The following BCL11B variants were observed in gnomAD, a reference collection of about 807,000 sequenced individuals.
The protein encoded by BCL11B is B-cell lymphoma/leukemia 11B.
In BCL11B, 8 loss-of-function variants were observed where a neutral mutation model predicts 49.9. That is an observed-to-expected ratio of 0.16 (90% CI 0.09 to 0.29). BCL11B has a LOEUF of 0.29. BCL11B is among the 10% of genes least tolerant of loss of function. BCL11B has a pLI of 1.00. For synonymous variants in BCL11B, 739 were observed against 637.4 expected, an observed-to-expected ratio of 1.16 and a Z score of -2.40; for missense variants, 1,006 against 1,351.0, an observed-to-expected ratio of 0.74 and a Z score of 4.00.
chr14:99,219,459 A>C (rs1338254157), intron 3 of BCL11B, among the ~76,000 whole-genome samples: 1 of 152,164 alleles, frequency 6.6e-6, no homozygotes, highest in Non-Finnish European at 1.5e-5. Flanking sequence ...CGCAATTACC[A>C]TCCCGATATA....
rs1187414703 is a variant in BCL11B, at chr14:99,174,162, C to T, written c.2674G>A (p.Glu892Lys). 2.5e-6 allele frequency: 4 copies of T among 1,612,424 alleles called. No homozygotes were observed. Among genetic ancestry groups the T allele is most frequent in the Non-Finnish European group, 2.5e-6 (3 of 1,179,954 alleles). Residue 892 changes from glutamate (E) to lysine (K), a missense_variant, in exon 4 of 4, where the codon GAG (glutamate) becomes AAG (lysine). Physicochemically the swap from Glu to Lys is moderately conservative, Grantham distance 56. Coordinates refer to ENST00000357195, the MANE Select transcript of BCL11B (RefSeq NM_138576.4). ...CGGGGCCCGCGCGCTTAGCTCCTCT[C>T]GGCCTGCTCGATTTTGACGTCGTTA... ...LTNDVKIEQA[E>K]RS
chr14:99,220,015 G>C (rs556396178), intron 3 of BCL11B, among the ~76,000 whole-genome samples: 1 of 152,076 alleles, frequency 6.6e-6, no homozygotes, highest in Non-Finnish European at 1.5e-5. Context: ...ACCTAACTTG[G>C]ACCAGTTGTT....
At chr14:99,234,248 G>A (rs966349302) in intron 2 of BCL11B, among the ~76,000 whole-genome samples, 7 of 152,084 alleles carry the variant, frequency 4.6e-5, no homozygotes, top group Admixed American at 2.0e-4. Flanking sequence ...ACGGCTGCAC[G>A]ACATTGTGAA....
At chr14:99,254,824 A>G (rs2139946921) in intron 2 of BCL11B, among the ~76,000 whole-genome samples, 1 of 152,362 alleles carries the variant, frequency 6.6e-6, no homozygotes, top group East Asian at 1.9e-4. Flanking sequence ...CTCTTAAAAT[A>G]TAAAGACTCA....
chr14:99,199,943 T>C (rs897562773), intron 3 of BCL11B, among the ~76,000 whole-genome samples: 3 of 151,832 alleles, frequency 2.0e-5, no homozygotes, highest in Admixed American at 6.6e-5. Flanking sequence ...AGACAGAGTG[T>C]CTTAATAATA....
At position 99,262,655 on chromosome 14, in the gene BCL11B, G is replaced by A. The variant is rs1889369904; in HGVS notation, c.59-4816C>T. Among the ~76,000 whole-genome samples the A allele has an allele frequency of 6.6e-6, 1 of 152,106 alleles. No homozygotes were observed. Among genetic ancestry groups the A allele is most frequent in the Admixed American group, 6.5e-5 (1 of 15,286 alleles). On this transcript the variant is annotated intron_variant, in intron 1 of 3. Coordinates refer to ENST00000357195, the MANE Select transcript of BCL11B (RefSeq NM_138576.4). The surrounding 1 kb of genome is among the most constrained non-coding windows in gnomAD (Gnocchi z 4.2). ...TTTACACCTGCTTCCTACGAAGAGG[G>A]AGCTCTTGCCAGCGAGCCCATGCTT...
chr14:99,178,388 C>T (rs1886601082), intron 3 of BCL11B, among the ~76,000 whole-genome samples: 1 of 152,212 alleles, frequency 6.6e-6, no homozygotes, highest in African/African-American at 2.4e-5. Flanking sequence ...TCAGTTCTCC[C>T]ATGAAAGAGC....
chr14:99,234,284 C>T (rs1888425818), intron 2 of BCL11B, among the ~76,000 whole-genome samples: 1 of 152,136 alleles, frequency 6.6e-6, no homozygotes, highest in African/African-American at 2.4e-5. Context: ...TGATTGTACA[C>T]TTTAAAATGG....
intron 1 of BCL11B, among the ~76,000 whole-genome samples, chr14:99,266,423 GA>G (rs1889484948): frequency 6.6e-6 from 1 of 152,014 alleles, no homozygotes; most frequent in Non-Finnish European, 1.5e-5. Flanking sequence ...GACCACGGAC[GA>G]ATCAGGGAAA....
intron 2 of BCL11B, among the ~76,000 whole-genome samples, chr14:99,240,817 A>G (rs1475036593): frequency 6.6e-6 from 1 of 152,258 alleles, no homozygotes; most frequent in African/African-American, 2.4e-5. Flanking sequence ...AACGCTAGGA[A>G]TATTGCTCCT....
Position 99,181,933 on chromosome 14 carries a change from G to A in BCL11B, c.641-5738C>T, listed in dbSNP as rs138893729. Among the ~76,000 whole-genome samples, 8 of 152,288 alleles carry A rather than the reference G, an allele frequency of 5.3e-5. No homozygotes were observed. The East Asian group carries it at 5.8e-4, about 11-fold the overall frequency. On this transcript the variant is annotated intron_variant, in intron 3 of 3. Transcript: ENST00000357195. ...CCGTCTCCACAGTTCCAAAATGATC[G>A]TAATTATCAGTGTTATCCCTCAGAT... is the stretch of plus-strand genomic sequence containing the variant.
At chr14:99,244,300 C>T (rs974118869) in intron 2 of BCL11B, among the ~76,000 whole-genome samples, 2 of 151,540 alleles carry the variant, frequency 1.3e-5, no homozygotes, top group East Asian at 1.9e-4. Context: ...TTACCCCCCC[C>T]TCACACACAC....
At chr14:99,236,016 T>G (rs1343590650) in intron 2 of BCL11B, among the ~76,000 whole-genome samples, 1 of 152,090 alleles carries the variant, frequency 6.6e-6, no homozygotes, top group Non-Finnish European at 1.5e-5. Flanking sequence ...GAATCCAGTC[T>G]GAGGAGGGGG....
chr14:99,203,380 G>C (rs1417885234), intron 3 of BCL11B, among the ~76,000 whole-genome samples: 1 of 152,196 alleles, frequency 6.6e-6, no homozygotes, highest in Non-Finnish European at 1.5e-5. Context: ...CTAGTGGCAG[G>C]ATGCTGACAT....
chr14:99,227,074 C>T (rs1037784968), intron 3 of BCL11B, among the ~76,000 whole-genome samples: 1 of 152,212 alleles, frequency 6.6e-6, no homozygotes, highest in African/African-American at 2.4e-5. Context: ...ATCACTGTGG[C>T]TGATGACCAT....
At chr14:99,223,766 GT>G (rs1888080903) in intron 3 of BCL11B, among the ~76,000 whole-genome samples, 1 of 152,164 alleles carries the variant, frequency 6.6e-6, no homozygotes, top group Admixed American at 6.5e-5. Flanking sequence ...CTTCATTCAG[GT>G]AAAAATCCTC....
Position 99,205,519 on chromosome 14 carries a change from G to C in BCL11B, c.640+25826C>G, listed in dbSNP as rs1887510116. On this transcript the variant is annotated intron_variant, in intron 3 of 3. Coordinates refer to ENST00000357195, the MANE Select transcript of BCL11B (RefSeq NM_138576.4). The surrounding 1 kb of genome is among the most constrained non-coding windows in gnomAD (Gnocchi z 5.0). ...CCAGGAAAGGGGAGGAGCGACGTGA[G>C]GACCTCCTGTGTCACCCTGTCCTGG... Among the ~76,000 whole-genome samples, 1 of 152,158 alleles carries C rather than the reference G, an allele frequency of 6.6e-6. No homozygotes were observed. Among genetic ancestry groups the C allele is most frequent in the South Asian group, 2.1e-4 (1 of 4,822 alleles).
chr14:99,224,055 C>G (rs1378974144), intron 3 of BCL11B, among the ~76,000 whole-genome samples: 1 of 152,224 alleles, frequency 6.6e-6, no homozygotes, highest in East Asian at 1.9e-4. Context: ...TTCCGGATCC[C>G]TCAGTCCAGC....
intron 2 of BCL11B, among the ~76,000 whole-genome samples, chr14:99,252,460 G>A (rs991234837): frequency 3.3e-5 from 5 of 152,098 alleles, no homozygotes; most frequent in African/African-American, 7.2e-5. Flanking sequence ...AAAGCAGCAC[G>A]TAAATCCCTG....
Sources: gnomAD v4.1 joint callset for allele counts (sites outside exome capture counted in the v4.1 genomes callset) on GRCh38, gnomAD v4.1.1 for gene constraint, Gnocchi (gnomAD v3.1) non-coding constraint, MANE v1.5 for transcripts, NCBI Gene and HGNC (gene_info 2026-07-23, HGNC 2026-07-21) for gene names.